The following FMN1 variants were observed in gnomAD, a reference collection of about 807,000 sequenced individuals.
The protein encoded by FMN1 is formin 1, also known as formin-1.
A neutral mutation model predicts 132.4 loss-of-function variants in FMN1; 110 were observed. The observed-to-expected ratio is 0.83, with a 90% CI of 0.71 to 0.97. The LOEUF is 0.97. FMN1 is among the 50% of genes least tolerant of loss of function. The pLI, the probability that FMN1 is intolerant of heterozygous loss-of-function variation, is 0.00. For missense variants in FMN1, 1,792 were observed against 1,705.3 expected, an observed-to-expected ratio of 1.05 and a Z score of -0.90; for synonymous variants, 722 against 651.7, an observed-to-expected ratio of 1.11 and a Z score of -1.64.
At chr15:33,018,542 T>C (rs953264189) in intron 6 of FMN1, among the ~76,000 whole-genome samples, 1 of 152,132 alleles carries the variant, frequency 6.6e-6, no homozygotes, top group Non-Finnish European at 1.5e-5. Flanking sequence ...CACGAAAAGG[T>C]TCCCAGAGGG....
At chr15:33,102,876 A>G (rs1022535404) in intron 4 of FMN1, among the ~76,000 whole-genome samples, 3 of 152,120 alleles carry the variant, frequency 2.0e-5, no homozygotes, top group Non-Finnish European at 4.4e-5. Context: ...CAAACCATGG[A>G]ACTAATTAGG....
intron 2 of FMN1, among the ~76,000 whole-genome samples, chr15:33,189,824 A>C (rs774469187): frequency 6.6e-6 from 1 of 152,252 alleles, no homozygotes; most frequent in Non-Finnish European, 1.5e-5. Flanking sequence ...CAGAGAAAAC[A>C]TACAACTCAT....
chr15:33,117,973 A>G (rs2039991373), intron 4 of FMN1, among the ~76,000 whole-genome samples: 1 of 152,182 alleles, frequency 6.6e-6, no homozygotes, highest in Admixed American at 6.6e-5. Flanking sequence ...TCCTAGAAAG[A>G]AAATTGTTGT....
intron 6 of FMN1, chr15:33,062,852 A>G (rs2141236713): frequency 6.6e-6 from 1 of 152,314 alleles, no homozygotes; most frequent in Non-Finnish European, 1.5e-5. Context: ...TGAGATCAGT[A>G]AACAAATCCC....
rs139565813 is a variant in FMN1, at chr15:33,058,641, C to T, written c.2161+6316G>A. 9.6e-3 allele frequency among the ~76,000 whole-genome samples: 1,458 copies of T among 152,272 alleles called. 16 individuals are homozygous for T. The highest frequency in any genetic ancestry group is 0.015 in the South Asian group (73 of 4,830). On this transcript the variant is annotated intron_variant, in intron 6 of 20. Coordinates refer to ENST00000616417, the MANE Select transcript of FMN1 (RefSeq NM_001277313.2). ...CCTATTTGAGGAATCAAAAGAACAG[C>T]GTGAAACAACCAAGTGAGTTTTTGC...
At chr15:32,775,787 T>A (rs577863934) in intron 20 of FMN1, among the ~76,000 whole-genome samples, 1 of 152,294 alleles carries the variant, frequency 6.6e-6, no homozygotes, top group African/African-American at 2.4e-5. Context: ...ACTTTGTAAC[T>A]TAGAACCCAT....
At chr15:33,124,607 G>A (rs766826134) in intron 4 of FMN1, among the ~76,000 whole-genome samples, 1 of 152,106 alleles carries the variant, frequency 6.6e-6, no homozygotes, top group Admixed American at 6.5e-5. Context: ...TACAAATATT[G>A]CATTAATCTT....
chr15:32,910,604 A>G (rs1392022709), intron 10 of FMN1, 69 bp from the exon 11 acceptor site: 1 of 1,145,048 alleles, frequency 8.7e-7, no homozygotes, highest in African/African-American at 1.5e-5. Flanking sequence ...TGTTTACTCC[A>G]CATCCAGCTT....
At chr15:33,072,809 T>C (rs758270528) in intron 5 of FMN1, among the ~76,000 whole-genome samples, 4 of 151,460 alleles carry the variant, frequency 2.6e-5, no homozygotes, top group South Asian at 2.1e-4. Flanking sequence ...TGTAATCCCA[T>C]CTACTTGGGA....
At chr15:32,834,168 T>C (rs2058570153) in intron 17 of FMN1, among the ~76,000 whole-genome samples, 1 of 152,228 alleles carries the variant, frequency 6.6e-6, no homozygotes, top group African/African-American at 2.4e-5. Context: ...TAAACTCTTT[T>C]CTTAAACTTC....
intron 2 of FMN1, among the ~76,000 whole-genome samples, chr15:33,192,526 A>G (rs1363080649): frequency 6.6e-6 from 1 of 152,226 alleles, no homozygotes; most frequent in Non-Finnish European, 1.5e-5. Flanking sequence ...AGGCCTGGAA[A>G]TCTTCTCTAA....
At chr15:33,067,472 C>A in intron 5 of FMN1, 1 of 1,614,006 alleles carries the variant, frequency 6.2e-7, no homozygotes, top group Non-Finnish European at 8.5e-7. Context: ...CAGGGTCCCA[C>A]GAACACAAAT....
chr15:32,998,154 T>G (rs1240755293), intron 7 of FMN1, among the ~76,000 whole-genome samples: 2 of 152,212 alleles, frequency 1.3e-5, no homozygotes, highest in African/African-American at 4.8e-5. Context: ...AATGTTATTG[T>G]GCTCAATGAA....
At chr15:32,899,497 C>T (rs1004220849) in intron 14 of FMN1, among the ~76,000 whole-genome samples, 49 of 152,262 alleles carry the variant, frequency 3.2e-4, no homozygotes, top group African/African-American at 1.1e-3. Context: ...AAAGAGGTAG[C>T]GCCACAGGGG....
At chr15:33,026,041 CTG>C (rs1211508793) in intron 6 of FMN1, among the ~76,000 whole-genome samples, 2 of 151,954 alleles carry the variant, frequency 1.3e-5, no homozygotes, top group Non-Finnish European at 2.9e-5. Flanking sequence ...AAAACTTACA[CTG>C]TGACAGCATC....
At chr15:33,018,271 T>A (rs1012628812) in intron 6 of FMN1, among the ~76,000 whole-genome samples, 6 of 151,970 alleles carry the variant, frequency 3.9e-5, no homozygotes, top group Non-Finnish European at 7.4e-5. Flanking sequence ...TCCAAAGTGA[T>A]GTCTTTTTTT....
At chr15:33,014,312 G>A (rs963434215) in intron 6 of FMN1, among the ~76,000 whole-genome samples, 2 of 152,224 alleles carry the variant, frequency 1.3e-5, no homozygotes, top group African/African-American at 4.8e-5. Context: ...GCAGATGCCT[G>A]AGTGTGAGGA....
rs563072798 is a variant in FMN1 at position 32,864,867 on chromosome 15, G to A, written c.3836-7760C>T. ...GAAACAATCCAAATGCCCATCCATC[G>A]TCTGATAAATGGATAAATAAAATAT... On this transcript the variant is annotated intron_variant, in intron 16 of 20. Transcript: ENST00000616417. Among the ~76,000 whole-genome samples, 8 of 152,272 alleles carry A rather than the reference G, an allele frequency of 5.3e-5. No homozygotes were observed. The East Asian group carries it at 5.8e-4, about 11-fold the overall frequency.
chr15:33,115,985 G>A (rs190787636), intron 4 of FMN1, among the ~76,000 whole-genome samples: 1 of 152,212 alleles, frequency 6.6e-6, no homozygotes, highest in Admixed American at 6.5e-5. Flanking sequence ...GGTAGCTTTG[G>A]GCTGGGCTGA....
Sources: gnomAD v4.1 joint callset for allele counts (sites outside exome capture counted in the v4.1 genomes callset) on GRCh38, gnomAD v4.1.1 for gene constraint, MANE v1.5 for transcripts, NCBI Gene and HGNC (gene_info 2026-07-23, HGNC 2026-07-21) for gene names.